The following ANO10 variants were observed in gnomAD, a reference collection of about 807,000 sequenced individuals.
The protein encoded by ANO10 is anoctamin-10.
A neutral mutation model predicts 74.7 loss-of-function variants in ANO10; 77 were observed. The ratio of observed to expected loss-of-function variants is 1.03; its 90% CI spans 0.86 to 1.25. ANO10 has a LOEUF of 1.25. Among genes scored for constraint, ANO10 ranks in the 50% most tolerant of loss-of-function variants. ANO10 has a pLI of 0.00. For missense variants in ANO10, 721 were observed against 778.1 expected (o/e 0.93, Z 0.87); for synonymous variants, 279 against 284.9 (o/e 0.98, Z 0.21).
At chr3:43,413,043 T>C (rs2092688929) in intron 12 of ANO10, among the ~76,000 whole-genome samples, 1 of 152,042 alleles carries the variant, frequency 6.6e-6, no homozygotes, top group Non-Finnish European at 1.5e-5. Context: ...CAAAGCAAGA[T>C]TCCATTTCAA....
At chr3:43,685,658 C>T (rs990850996) in intron 1 of ANO10, among the ~76,000 whole-genome samples, 20 of 152,212 alleles carry the variant, frequency 1.3e-4, no homozygotes, top group Admixed American at 1.2e-3. Flanking sequence ...TGGGTAGGGA[C>T]ATTCCCCACT....
intron 11 of ANO10, among the ~76,000 whole-genome samples, chr3:43,499,402 G>T (rs1293688730): frequency 6.6e-6 from 1 of 152,088 alleles, no homozygotes; most frequent in Non-Finnish European, 1.5e-5. Context: ...ACTAGGGAGG[G>T]TTTGGCAGAG....
At chr3:43,460,531 T>G (rs2075331729) in intron 11 of ANO10, among the ~76,000 whole-genome samples, 2 of 152,302 alleles carry the variant, frequency 1.3e-5, no homozygotes, top group South Asian at 4.1e-4. Flanking sequence ...ACCCTCCCCC[T>G]CTCCCCTTTG....
intron 11 of ANO10, among the ~76,000 whole-genome samples, chr3:43,505,534 A>T (rs1423404334): frequency 6.6e-6 from 1 of 152,228 alleles, no homozygotes; most frequent in African/African-American, 2.4e-5. Flanking sequence ...TATGTGAGGC[A>T]TGCTTCAAAA....
At chr3:43,634,625 C>T (rs2083587006) in intron 1 of ANO10, among the ~76,000 whole-genome samples, 2 of 152,126 alleles carry the variant, frequency 1.3e-5, no homozygotes, top group Non-Finnish European at 2.9e-5. Context: ...ACAAGAAGCA[C>T]TTAAGTTTCA....
rs916035274 is a variant in ANO10 at position 43,536,357 on chromosome 3, C to T, written c.1797+13363G>A. Reference sequence around the variant, plus strand: ...CTGCAAATCCTGATGATTCTAGAAGCACATGAATACCCTGTGCCCTCAAAA... The same window carrying T: ...CTGCAAATCCTGATGATTCTAGAAGTACATGAATACCCTGTGCCCTCAAAA... On this transcript the variant is annotated intron_variant, in intron 11 of 12. Coordinates refer to ENST00000292246, the MANE Select transcript of ANO10 (RefSeq NM_018075.5). Among the ~76,000 whole-genome samples, 4 of 152,306 alleles carry T rather than the reference C, an allele frequency of 2.6e-5. No homozygotes were observed. In the South Asian group the frequency reaches 6.2e-4, roughly 24 times the overall value.
chr3:43,427,916 G>A (rs2092921759), intron 12 of ANO10, among the ~76,000 whole-genome samples: 1 of 152,160 alleles, frequency 6.6e-6, no homozygotes, highest in East Asian at 1.9e-4. Context: ...TGATGAAAAT[G>A]TTTGTCTCTC....
intron 12 of ANO10, among the ~76,000 whole-genome samples, chr3:43,432,069 C>T (rs1252068459): frequency 6.6e-6 from 1 of 151,562 alleles, no homozygotes; most frequent in East Asian, 1.9e-4. Context: ...TGTCTACTCC[C>T]ACTCTCCTAC....
intron 1 of ANO10, among the ~76,000 whole-genome samples, chr3:43,651,454 G>A (rs901789261): frequency 4.6e-5 from 7 of 152,150 alleles, no homozygotes; most frequent in Admixed American, 1.3e-4. Context: ...TGCTGTTCCC[G>A]TGGTACATGT....
Position 43,561,377 on chromosome 3 carries a change from G to C in ANO10, c.1319C>G (p.Ser440Cys). The C allele has an allele frequency of 2.5e-6, 4 of 1,614,122 alleles. No individual in the cohort carries two copies. The highest frequency in any genetic ancestry group is 3.4e-6 in the Non-Finnish European group (4 of 1,180,008). ...RQSLATLLIT[S>C]QILNQIMESF... ...TTCCATAATTTGGTTGAGGATCTGG[G>C]AGGTAATTAGGAGAGTGGCCAAGCT... Residue 440 changes from serine to cysteine, a missense_variant, in exon 9 of 13, where the codon TCC becomes TGC. Ser to Cys is a moderately radical substitution (Grantham distance 112). Transcript: ENST00000292246.
chr3:43,431,566 T>C (rs2092981326), intron 12 of ANO10, among the ~76,000 whole-genome samples: 1 of 152,042 alleles, frequency 6.6e-6, no homozygotes, highest in Non-Finnish European at 1.5e-5. Context: ...GTTTACCATA[T>C]AGACACACTG....
intron 11 of ANO10, among the ~76,000 whole-genome samples, chr3:43,450,821 CCTTCAAA>C (rs1237969621): frequency 6.6e-6 from 1 of 152,160 alleles, no homozygotes; most frequent in Non-Finnish European, 1.5e-5. Flanking sequence ...AAAAGTACTT[CCTTCAAA>C]CTTTGGCAGA....
At chr3:43,547,026 A>G (rs2079225066) in intron 11 of ANO10, among the ~76,000 whole-genome samples, 1 of 152,178 alleles carries the variant, frequency 6.6e-6, no homozygotes, top group Non-Finnish European at 1.5e-5. Context: ...AGATACAGGG[A>G]AAAAAATCTT....
intron 4 of ANO10, among the ~76,000 whole-genome samples, chr3:43,595,365 CA>C (rs2082023211): frequency 1.3e-5 from 2 of 152,228 alleles, no homozygotes; most frequent in South Asian, 4.1e-4. Flanking sequence ...AAATCCTCAA[CA>C]AAATAATGGC....
At chr3:43,603,735 A>C (rs1476786599) in intron 2 of ANO10, among the ~76,000 whole-genome samples, 4 of 152,202 alleles carry the variant, frequency 2.6e-5, no homozygotes, top group Non-Finnish European at 5.9e-5. Flanking sequence ...ATGGCCTTTA[A>C]TGCAAGGCAG....
intron 12 of ANO10, among the ~76,000 whole-genome samples, chr3:43,426,588 G>C (rs2092903708): frequency 6.6e-6 from 1 of 152,210 alleles, no homozygotes; most frequent in African/African-American, 2.4e-5. Context: ...CAGGAGGGCT[G>C]ACTGCCCAGA....
chr3:43,590,421 T>C (rs1015885839), intron 4 of ANO10, among the ~76,000 whole-genome samples: 1 of 152,066 alleles, frequency 6.6e-6, no homozygotes, highest in Non-Finnish European at 1.5e-5. Flanking sequence ...AGTTAGAGAG[T>C]TAGGAAGCTA....
At chr3:43,663,045 G>A (rs992494930) in intron 1 of ANO10, among the ~76,000 whole-genome samples, 1 of 152,100 alleles carries the variant, frequency 6.6e-6, no homozygotes. Context: ...CATTTTATGA[G>A]GCCAGCATCA....
intron 12 of ANO10, among the ~76,000 whole-genome samples, chr3:43,412,157 G>T (rs2092675974): frequency 6.6e-6 from 1 of 151,648 alleles, no homozygotes; most frequent in African/African-American, 2.4e-5. Context: ...GATTCCTGAA[G>T]CTAGGAATAG....
Sources: allele counts gnomAD v4.1 joint callset (sites outside exome capture counted in the v4.1 genomes callset), GRCh38; gene constraint gnomAD v4.1.1; transcripts MANE v1.5; gene names NCBI Gene and HGNC (gene_info 2026-07-23, HGNC 2026-07-21).